The following DAB1 variants were observed in gnomAD, a reference collection of about 807,000 sequenced individuals.
DAB1 encodes the protein DAB adaptor protein 1.
Under a neutral mutation model 64.6 loss-of-function variants are expected in DAB1, and 15 were observed. The observed-to-expected ratio is 0.23, with a 90% CI of 0.16 to 0.36. The LOEUF (loss-of-function observed/expected upper bound fraction) is 0.36, where lower values mean the gene tolerates loss of function less well. DAB1 is among the 10% of genes least tolerant of loss of function. The pLI is 1.00. For missense variants in DAB1, 596 were observed against 706.7 expected, an observed-to-expected ratio of 0.84 and a Z score of 1.78; for synonymous variants, 235 against 251.9, an observed-to-expected ratio of 0.93 and a Z score of 0.64.
intron 6 of DAB1, among the ~76,000 whole-genome samples, chr1:57,765,371 G>A (rs1395545852): frequency 1.3e-5 from 2 of 152,112 alleles, no homozygotes; most frequent in African/African-American, 2.4e-5. Context: ...ACATTTCAAG[G>A]CCTAGATGAT....
intron 5 of DAB1, chr1:58,056,550 A>G: frequency 1.2e-6 from 1 of 844,732 alleles, no homozygotes; most frequent in East Asian, 2.4e-5. Flanking sequence ...TGCTCATCAC[A>G]ACCTAACTCC....
chr1:57,309,277 T>C (rs1674465144), intron 1 of DAB1, among the ~76,000 whole-genome samples: 1 of 152,206 alleles, frequency 6.6e-6, no homozygotes, highest in Non-Finnish European at 1.5e-5. Flanking sequence ...ACCTGATCTT[T>C]AGTCCACTTC....
intron 2 of DAB1, among the ~76,000 whole-genome samples, chr1:57,233,749 C>A (rs907318176): frequency 2.0e-5 from 3 of 151,252 alleles, no homozygotes; most frequent in Non-Finnish European, 4.4e-5. Flanking sequence ...ACAGAGCGAG[C>A]CTCTGTCTCA....
At chr1:57,342,435 G>GA (rs1677668340) in intron 1 of DAB1, among the ~76,000 whole-genome samples, 1 of 152,184 alleles carries the variant, frequency 6.6e-6, no homozygotes, top group Non-Finnish European at 1.5e-5. Context: ...TTTGCCAAAA[G>GA]CATAGCACTT....
intron 1 of DAB1, among the ~76,000 whole-genome samples, chr1:57,388,767 C>T (rs917414453): frequency 6.6e-6 from 1 of 152,180 alleles, no homozygotes; most frequent in African/African-American, 2.4e-5. Flanking sequence ...TTCTTCTTAT[C>T]CCTCTTGTTT....
intron 2 of DAB1, among the ~76,000 whole-genome samples, chr1:57,229,196 C>CTT (rs34245893): frequency 8.8e-4 from 124 of 140,132 alleles, no homozygotes; most frequent in African/African-American, 2.9e-3. Context: ...ACTTCTTCTT[C>CTT]TTTTTTTTTT....
chr1:57,343,005 GCTGGCTCGGGCAGCCTGCTT>G (rs752074549), intron 1 of DAB1, among the ~76,000 whole-genome samples: 1 of 151,324 alleles, frequency 6.6e-6, no homozygotes, highest in Non-Finnish European at 1.5e-5. Flanking sequence ...GGTTGCCACT[GCTGGCTCGGGCAGCCTGCTT>G]TTATTGTCTT....
At chr1:58,135,848 G>A (rs533159509) in intron 5 of DAB1, among the ~76,000 whole-genome samples, 3 of 152,240 alleles carry the variant, frequency 2.0e-5, no homozygotes, top group Admixed American at 6.5e-5. Context: ...ATAAGCAGTG[G>A]AATGTTGAGG....
intron 1 of DAB1, among the ~76,000 whole-genome samples, chr1:57,422,044 G>A (rs1007849145): frequency 6.6e-6 from 1 of 152,054 alleles, no homozygotes; most frequent in African/African-American, 2.4e-5. Context: ...AATTCAAGGG[G>A]TGGGGATGGT....
At chr1:57,218,664 C>T (rs1320981273) in intron 2 of DAB1, among the ~76,000 whole-genome samples, 8 of 151,684 alleles carry the variant, frequency 5.3e-5, no homozygotes, top group African/African-American at 1.9e-4. Context: ...ACCAGGGTGA[C>T]AGAGCATATA....
In DAB1 at chr1:57,672,339, A is replaced by ATAAG. The variant is rs1360622310; in HGVS notation, n.552-22678_552-22675dup. ...GTAAGAATGGTATGTAGTTAATATC[A>ATAAG]TAAGTGTTCAGAGGTGAAGTGAACC... On this transcript the variant is annotated intron_variant and non_coding_transcript_variant, in intron 6 of 20. Transcript: ENST00000485760. Among the ~76,000 whole-genome samples, 4 of 152,338 alleles carry ATAAG rather than the reference A, an allele frequency of 2.6e-5. No homozygotes were observed. In the East Asian group the frequency reaches 7.7e-4, roughly 29 times the overall value.
chr1:58,469,964 T>G (rs1255123280), intron 3 of DAB1, among the ~76,000 whole-genome samples: 3 of 151,896 alleles, frequency 2.0e-5, no homozygotes, highest in African/African-American at 4.8e-5. Context: ...GCTAGGCATA[T>G]AGTAGGCCTT....
At chr1:58,084,795 A>G (rs576588293) in intron 5 of DAB1, among the ~76,000 whole-genome samples, 5 of 149,518 alleles carry the variant, frequency 3.3e-5, no homozygotes, top group Non-Finnish European at 7.4e-5. Context: ...ATATAATTAT[A>G]TATATACACA....
At chr1:57,756,391 T>G (rs1316123101) in intron 6 of DAB1, among the ~76,000 whole-genome samples, 1 of 151,824 alleles carries the variant, frequency 6.6e-6, no homozygotes, top group Non-Finnish European at 1.5e-5. Context: ...CTGAAAGAGG[T>G]GATTACTGAC....
chr1:57,150,546 G>C (rs575096645), intron 2 of DAB1, among the ~76,000 whole-genome samples: 15 of 152,232 alleles, frequency 9.9e-5, no homozygotes, highest in South Asian at 2.1e-4. Context: ...ATTTCAAAAG[G>C]CGTCATATAC....
At chr1:57,695,880 A>G (rs781469617) in intron 6 of DAB1, among the ~76,000 whole-genome samples, 4 of 152,172 alleles carry the variant, frequency 2.6e-5, no homozygotes, top group Non-Finnish European at 5.9e-5. Flanking sequence ...AGCCTGGGCA[A>G]CAAGAGTGAG....
At chr1:58,029,478 A>C (rs1557616798) in intron 5 of DAB1, among the ~76,000 whole-genome samples, 1 of 152,158 alleles carries the variant, frequency 6.6e-6, no homozygotes, top group African/African-American at 2.4e-5. Context: ...TTGTCTCAAA[A>C]ACAATCTTGA....
chr1:57,424,897 C>T (rs1570503929), upstream of DAB1, among the ~76,000 whole-genome samples: 2 of 152,242 alleles, frequency 1.3e-5, no homozygotes, highest in South Asian at 4.1e-4. Context: ...GACTCCCCTA[C>T]TCGGCTCTTA....
At chr1:58,294,896 G>A (rs915278122) in intron 4 of DAB1, among the ~76,000 whole-genome samples, 2 of 151,210 alleles carry the variant, frequency 1.3e-5, no homozygotes, top group African/African-American at 4.9e-5. Context: ...GTGTGTGTGT[G>A]TGTGTGTTTG....
Sources: allele counts gnomAD v4.1 joint callset (sites outside exome capture counted in the v4.1 genomes callset), GRCh38; gene constraint gnomAD v4.1.1; transcripts MANE v1.5; gene names NCBI Gene and HGNC (gene_info 2026-07-23, HGNC 2026-07-21).